BLTP3B: variants seen among roughly 807,000 people sequenced by gnomAD.
The protein encoded by BLTP3B is UHRF1 (ICBP90) binding protein 1-like.
chr12:100,071,634 T>C, the BLTP3B span, among the ~76,000 whole-genome samples: 2 of 151,884 alleles, frequency 1.3e-5, no homozygotes, highest in African/African-American at 4.8e-5. Context: ...AGAATACAAA[T>C]GTACAATCAT....
the BLTP3B span, chr12:100,104,000 A>T: frequency 2.1e-6 from 3 of 1,428,240 alleles, no homozygotes; most frequent in African/African-American, 4.3e-5. Flanking sequence ...AGAAGAAAAT[A>T]ATGTAAACAG....
chr12:100,074,282 T>C, the BLTP3B span, among the ~76,000 whole-genome samples: 1 of 151,840 alleles, frequency 6.6e-6, no homozygotes, highest in African/African-American at 2.4e-5. Flanking sequence ...TAGGAATACA[T>C]CTAACCAAAA....
chr12:100,128,656 C>A, the BLTP3B span: 1 of 1,288,336 alleles, frequency 7.8e-7, no homozygotes, highest in Non-Finnish European at 1.0e-6. Flanking sequence ...TTCTTAGACT[C>A]CTCTGGTACT....
the BLTP3B span, chr12:100,048,210 A>G: frequency 6.4e-7 from 1 of 1,565,526 alleles, no homozygotes. Flanking sequence ...AGGAAAATGA[A>G]CATACAAAAA....
At chr12:100,053,576 T>C in the BLTP3B span, among the ~76,000 whole-genome samples, 3 of 152,190 alleles carry the variant, frequency 2.0e-5, no homozygotes, top group East Asian at 3.9e-4. Flanking sequence ...CATGCACGCA[T>C]GCACATACAT....
chr12:100,044,050 C>T, the BLTP3B span, among the ~76,000 whole-genome samples: 1 of 152,078 alleles, frequency 6.6e-6, no homozygotes, highest in African/African-American at 2.4e-5. Context: ...GCTGTAACTC[C>T]TGCCAAGAGG....
chr12:100,085,460 A>G, the BLTP3B span, among the ~76,000 whole-genome samples: 1 of 152,226 alleles, frequency 6.6e-6, no homozygotes, highest in African/African-American at 2.4e-5. Context: ...ACGATAGTAT[A>G]TAAGACAAAA....
At chr12:100,118,717 C>T in the BLTP3B span, among the ~76,000 whole-genome samples, 1 of 152,096 alleles carries the variant, frequency 6.6e-6, no homozygotes, top group Non-Finnish European at 1.5e-5. Flanking sequence ...CATAACTATT[C>T]TAAGATTAAA....
chr12:100,064,547 G>A, the BLTP3B span, among the ~76,000 whole-genome samples: 2 of 152,124 alleles, frequency 1.3e-5, no homozygotes, highest in African/African-American at 4.8e-5. Flanking sequence ...AGAAGCACCA[G>A]GTAACCTGTA....
chr12:100,116,494 T>A, the BLTP3B span, among the ~76,000 whole-genome samples: 2 of 142,108 alleles, frequency 1.4e-5, no homozygotes, highest in Admixed American at 1.4e-4. Flanking sequence ...TAAAATTACA[T>A]CATGTTCTCA....
the BLTP3B span, among the ~76,000 whole-genome samples, chr12:100,112,271 G>C: frequency 3.3e-5 from 5 of 152,170 alleles, no homozygotes; most frequent in African/African-American, 1.2e-4. Context: ...TTGAGCCCAA[G>C]AGTTTGAGAC....
the BLTP3B span, among the ~76,000 whole-genome samples, chr12:100,100,989 T>A: frequency 6.6e-6 from 1 of 152,176 alleles, no homozygotes. Context: ...ATTATAAAGC[T>A]TATGATACTA....
chr12:100,115,385 G>T, the BLTP3B span, among the ~76,000 whole-genome samples: 1 of 152,156 alleles, frequency 6.6e-6, no homozygotes, highest in East Asian at 1.9e-4. Flanking sequence ...CAGCCTAGGC[G>T]ACAGGGTGAA....
the BLTP3B span, among the ~76,000 whole-genome samples, chr12:100,120,676 T>C: frequency 3.3e-5 from 5 of 152,196 alleles, no homozygotes; most frequent in Admixed American, 2.0e-4. Context: ...TTGGAATTTG[T>C]TTTTAAAGTG....
At chr12:100,071,928 A>G in the BLTP3B span, among the ~76,000 whole-genome samples, 1 of 152,258 alleles carries the variant, frequency 6.6e-6, no homozygotes, top group African/African-American at 2.4e-5. Context: ...ACAGCTATTA[A>G]GCACAAAGTA....
the BLTP3B span, among the ~76,000 whole-genome samples, chr12:100,133,985 A>T: frequency 6.6e-6 from 1 of 152,246 alleles, no homozygotes; most frequent in African/African-American, 2.4e-5. Flanking sequence ...TTTATAAATT[A>T]AACTTTACCA....
the BLTP3B span, among the ~76,000 whole-genome samples, chr12:100,079,306 G>A: frequency 1.6e-4 from 24 of 152,198 alleles, no homozygotes; most frequent in Admixed American, 1.3e-3. Flanking sequence ...CTTGTTGAAT[G>A]GCTTTGACAA....
chr12:100,091,752 G>A, the BLTP3B span, among the ~76,000 whole-genome samples: 3 of 151,368 alleles, frequency 2.0e-5, no homozygotes, highest in Non-Finnish European at 4.4e-5. Flanking sequence ...TGACCCACCC[G>A]CCTCAGCCTC....
the BLTP3B span, among the ~76,000 whole-genome samples, chr12:100,088,022 CCTTTTAGGCTGGAAT>C: frequency 6.6e-6 from 1 of 152,182 alleles, no homozygotes; most frequent in East Asian, 1.9e-4. Flanking sequence ...GCCCCTCCAA[CCTTTTAGGCTGGAAT>C]CTTTTAGGCT....
Sources: gnomAD v4.1 joint callset for allele counts (sites outside exome capture counted in the v4.1 genomes callset) on GRCh38, gnomAD v4.1.1 for gene constraint, MANE v1.5 for transcripts, NCBI Gene and HGNC (gene_info 2026-07-23, HGNC 2026-07-21) for gene names.